CPXM2: variants seen among roughly 807,000 people sequenced by gnomAD.
CPXM2 encodes the protein carboxypeptidase X, M14 family member 2.
In CPXM2, 66 loss-of-function variants were observed where a neutral mutation model predicts 86.1. That is an observed-to-expected ratio of 0.77 (90% CI 0.63 to 0.94). CPXM2 has a LOEUF of 0.94. Among genes scored for constraint, CPXM2 ranks in the 40% least tolerant of loss-of-function variants. The probability of loss-of-function intolerance (pLI) is 0.00; values close to 1 mark genes in which losing one functional copy is unlikely to be tolerated. For synonymous variants in CPXM2, 388 were observed against 400.2 expected, an observed-to-expected ratio of 0.97 and a Z score of 0.36; for missense variants, 948 against 1,026.3, an observed-to-expected ratio of 0.92 and a Z score of 1.04.
At chr10:123,829,895 G>A (rs142084961) in intron 4 of CPXM2, among the ~76,000 whole-genome samples, 235 of 151,350 alleles carry the variant, frequency 1.6e-3, no homozygotes, top group Middle Eastern at 0.014. Flanking sequence ...GTGGCATTTC[G>A]GTTGGAAAAA....
At chr10:123,899,538 TGGGCATG>T (rs1945364843) in intron 2 of CPXM2, among the ~76,000 whole-genome samples, 1 of 152,254 alleles carries the variant, frequency 6.6e-6, no homozygotes, top group Admixed American at 6.5e-5. Flanking sequence ...CAATTCTTGC[TGGGCATG>T]GTGGCTCATG....
chr10:123,903,189 G>A (rs1945400261), intron 2 of CPXM2, among the ~76,000 whole-genome samples: 1 of 152,170 alleles, frequency 6.6e-6, no homozygotes, highest in African/African-American at 2.4e-5. Flanking sequence ...AGAGGACCTT[G>A]TCCTGGCCAT....
intron 9 of CPXM2, among the ~76,000 whole-genome samples, chr10:123,767,745 A>C (rs1846514707): frequency 6.6e-6 from 1 of 152,218 alleles, no homozygotes; most frequent in South Asian, 2.1e-4. Context: ...AATTCTGTAC[A>C]TATGCATATT....
chr10:123,818,533 C>A (rs1847859947), intron 4 of CPXM2, among the ~76,000 whole-genome samples: 2 of 152,202 alleles, frequency 1.3e-5, no homozygotes, highest in Admixed American at 1.3e-4. Context: ...GTTTGCCTAT[C>A]CTGCACGCAA....
At position 123,862,148 on chromosome 10, in the gene CPXM2, T is replaced by C. The variant is rs560312345; in HGVS notation, c.513+466A>G. Among the ~76,000 whole-genome samples, 5 of 152,258 alleles carry C rather than the reference T, an allele frequency of 3.3e-5. No homozygotes were observed. The East Asian group carries it at 5.8e-4, about 18-fold the overall frequency. On this transcript the variant is annotated intron_variant, in intron 3 of 13. Transcript: ENST00000241305. ...AGGATGTGCATGGTCCCAGGAGCCATGCAGGGCTTGACCCGGGGGAACACA... is the reference window on the plus strand; with the variant it reads ...AGGATGTGCATGGTCCCAGGAGCCACGCAGGGCTTGACCCGGGGGAACACA...
chr10:123,857,293 G>A (rs564376880), intron 3 of CPXM2, among the ~76,000 whole-genome samples: 28 of 152,086 alleles, frequency 1.8e-4, no homozygotes, highest in African/African-American at 6.3e-4. Flanking sequence ...TGGAAAAGGA[G>A]ACAGGTATTT....
Position 123,762,085 on chromosome 10 carries a change from C to T in CPXM2, c.1564G>A (p.Val522Met). The change falls in exon 11 of 14, where the codon GTG becomes ATG. Residue 522 changes from valine (V) to methionine (M), a missense_variant. Physicochemically the swap from Val to Met is conservative, Grantham distance 21. Coordinates refer to ENST00000241305, the MANE Select transcript of CPXM2 (RefSeq NM_198148.3). ...LGGNLQGGEL[V>M]VAYPYDLVRS... ...ACCAGGTCGTAGGGGTACGCCACCA[C>T]CAGCTCGCCGCCCTGCAGGTTGCCG... The T allele has an allele frequency of 6.2e-7, 1 of 1,614,128 alleles. No homozygotes were observed. Among genetic ancestry groups the T allele is most frequent in the South Asian group, 1.1e-5 (1 of 91,084 alleles).
rs139994626 is a variant in CPXM2 at position 123,921,571 on chromosome 10, T to A, written n.174+17906A>T. ...AGCTGGCAGCCCACCTATCCCTGTA[T>A]AATATCCAAGCTATGAGAGGCAAGG... On this transcript the variant is annotated intron_variant and non_coding_transcript_variant, in intron 2 of 19. Coordinates refer to the CPXM2 transcript ENST00000368854. Among the ~76,000 whole-genome samples, 51 of 152,338 alleles carry A rather than the reference T, an allele frequency of 3.3e-4. No individual in the cohort carries two copies. The East Asian group carries it at 8.5e-3, about 25-fold the overall frequency.
chr10:123,789,753 C>T (rs1379326066), intron 6 of CPXM2, among the ~76,000 whole-genome samples: 1 of 152,182 alleles, frequency 6.6e-6, no homozygotes, highest in South Asian at 2.1e-4. Flanking sequence ...GTAGCCCCTA[C>T]TGCTGCGTCG....
chr10:123,757,408 G>C (rs1386524546), intron 11 of CPXM2, 56 bp from the exon 12 acceptor site: 1 of 1,487,142 alleles, frequency 6.7e-7, no homozygotes, highest in Non-Finnish European at 9.4e-7. Flanking sequence ...TGGCACTGGG[G>C]AATGCGGCAC....
At chr10:123,874,192 T>C (rs1478309710) in intron 2 of CPXM2, among the ~76,000 whole-genome samples, 1 of 152,018 alleles carries the variant, frequency 6.6e-6, no homozygotes, top group African/African-American at 2.4e-5. Flanking sequence ...AGCCGAGAAG[T>C]CCAAGATCAA....
intron 3 of CPXM2, chr10:123,843,389 C>T: frequency 5.3e-6 from 2 of 377,330 alleles, no homozygotes; most frequent in South Asian, 4.0e-5. Context: ...GTGAAGCATC[C>T]TCGTTTATTA....
chr10:123,888,851 C>T (rs1945220557), intron 1 of CPXM2, among the ~76,000 whole-genome samples: 2 of 152,200 alleles, frequency 1.3e-5, no homozygotes, highest in South Asian at 4.1e-4. Context: ...GCTGTCCCAA[C>T]AGGCCTCTGA....
chr10:123,917,731 C>T (rs975424694), intron 2 of CPXM2, among the ~76,000 whole-genome samples: 3 of 152,204 alleles, frequency 2.0e-5, no homozygotes, highest in Admixed American at 6.5e-5. Context: ...ACTGAGCTTT[C>T]GTACAGTCTC....
At chr10:123,866,743 G>A (rs1944799280) in intron 2 of CPXM2, among the ~76,000 whole-genome samples, 1 of 152,186 alleles carries the variant, frequency 6.6e-6, no homozygotes, top group Non-Finnish European at 1.5e-5. Context: ...TCCAATGTCT[G>A]CTGCAAAAGA....
In CPXM2 at chr10:123,781,524, A is replaced by G. The variant is rs568173559; in HGVS notation, c.890-1269T>C. Among the ~76,000 whole-genome samples, 9 of 152,240 alleles carry G rather than the reference A, an allele frequency of 5.9e-5. No homozygotes were observed. In the East Asian group the frequency reaches 1.7e-3, roughly 29 times the overall value. Reference sequence around the variant, plus strand: ...TGCTCAGTGTTCAGCGCTCCCTCCAATGCAGAGAACCCGCAGCCCTAGGAA... The same window carrying G: ...TGCTCAGTGTTCAGCGCTCCCTCCAGTGCAGAGAACCCGCAGCCCTAGGAA... On this transcript the variant is annotated intron_variant, in intron 6 of 13. Coordinates refer to ENST00000241305, the MANE Select transcript of CPXM2 (RefSeq NM_198148.3).
At chr10:123,862,493 T>C in intron 3 of CPXM2, 121 bp downstream of exon 3, 2 of 853,702 alleles carry the variant, frequency 2.3e-6, no homozygotes, top group Non-Finnish European at 3.8e-6. Flanking sequence ...AGCAATATCC[T>C]TTCTTACTGT....
chr10:123,848,021 G>A (rs1848533436), intron 3 of CPXM2, among the ~76,000 whole-genome samples: 1 of 152,200 alleles, frequency 6.6e-6, no homozygotes, highest in Non-Finnish European at 1.5e-5. Context: ...CTCTGCAGAC[G>A]TATCCCAGGG....
At chr10:123,943,819 ACTGT>A (rs762461113), upstream of CPXM2, among the ~76,000 whole-genome samples, 7 of 152,120 alleles carry the variant, frequency 4.6e-5, no homozygotes, top group Non-Finnish European at 7.4e-5. Context: ...GAGGGACACC[ACTGT>A]CCTGGTCCTC....
Sources: gnomAD v4.1 joint callset for allele counts (sites outside exome capture counted in the v4.1 genomes callset) on GRCh38, gnomAD v4.1.1 for gene constraint, MANE v1.5 for transcripts, NCBI Gene and HGNC (gene_info 2026-07-23, HGNC 2026-07-21) for gene names.